PATJ: variants seen among roughly 807,000 people sequenced by gnomAD.
PATJ encodes inaD-like protein.
In PATJ, 190 loss-of-function variants were observed where a neutral mutation model predicts 224.9. That is an observed-to-expected ratio of 0.84 (90% CI 0.75 to 0.95). PATJ has a LOEUF of 0.95. Ranked by LOEUF, PATJ falls within the 40% of genes least tolerant of loss-of-function variation. PATJ has a pLI of 0.00. For synonymous variants in PATJ, 769 were observed against 820.3 expected (o/e 0.94, Z 1.07); for missense variants, 2,121 against 2,270.3 (o/e 0.93, Z 1.34).
chr1:62,089,125 A>G (rs1479653603), intron 33 of PATJ, among the ~76,000 whole-genome samples: 1 of 152,146 alleles, frequency 6.6e-6, no homozygotes, highest in Non-Finnish European at 1.5e-5. Context: ...AATCGGAAGA[A>G]TTTCATCAGC....
chr1:61,875,270 C>T lies in PATJ; in HGVS notation c.2863C>T (p.Leu955=). 6.2e-7 allele frequency: 1 copy of T among 1,603,958 alleles called. No homozygotes were observed. The highest frequency in any genetic ancestry group is 8.5e-7 in the Non-Finnish European group (1 of 1,173,182). The change falls in exon 21 of 44, where the codon CTA becomes TTA. Residue 955 remains leucine, a synonymous_variant. Transcript: ENST00000642238. The part of the protein sequence containing the change: ...VMKENFVMES[L]PSVPSTEGNS... Reference sequence around the variant, plus strand: ...GAAAGAAAATTTTGTCATGGAGTCCCTACCATCTGTACCATCAACTGAAGG... The same window carrying T: ...GAAAGAAAATTTTGTCATGGAGTCCTTACCATCTGTACCATCAACTGAAGG...
At chr1:61,841,612 T>TA (rs1553176507) in intron 17 of PATJ, among the ~76,000 whole-genome samples, 1 of 151,198 alleles carries the variant, frequency 6.6e-6, no homozygotes, top group African/African-American at 2.4e-5. Flanking sequence ...TTTTTTTTTT[T>TA]GGGAGCTCTT....
At position 61,943,041 on chromosome 1, in the gene PATJ, A is replaced by G. The variant is rs1010830895; in HGVS notation, c.3670+15212A>G. The stretch of plus-strand genomic sequence containing the variant: ...TCCATCAACTGGTGACAGGATATAC[A>G]TAGTGTATATCCATACAGTGGAATA... On this transcript the variant is annotated intron_variant, in intron 27 of 43. Coordinates refer to ENST00000642238, the MANE Select transcript of PATJ (RefSeq NM_001350145.3). Among the ~76,000 whole-genome samples, 12 of 152,222 alleles carry G rather than the reference A, an allele frequency of 7.9e-5. No individual in the cohort carries two copies. In the South Asian group the frequency reaches 1.0e-3, roughly 13 times the overall value.
At chr1:61,759,455 G>C (rs1006576569) in intron 1 of PATJ, among the ~76,000 whole-genome samples, 15 of 149,814 alleles carry the variant, frequency 1.0e-4, no homozygotes, top group African/African-American at 3.4e-4. Flanking sequence ...TGTCACCCAG[G>C]CTGGAGTGCA....
At chr1:62,072,723 A>G (rs1366129792) in intron 31 of PATJ, 1 of 150,398 alleles carries the variant, frequency 6.6e-6, no homozygotes, top group Non-Finnish European at 1.5e-5. Context: ...CAGCAGCAAC[A>G]TAAAAAGACC....
intron 29 of PATJ, among the ~76,000 whole-genome samples, chr1:62,022,241 C>G (rs1320144029): frequency 6.6e-6 from 1 of 152,130 alleles, no homozygotes. Context: ...TATTCATATA[C>G]TAATTTATCT....
At position 61,902,156 on chromosome 1, in the gene PATJ, G is replaced by T. The variant is rs116291677; in HGVS notation, c.3381+697G>T. Among the ~76,000 whole-genome samples the T allele has an allele frequency of 4.8e-3, 731 of 152,012 alleles. 10 individuals are homozygous for T. The highest frequency in any genetic ancestry group is 0.017 in the African/African-American group (707 of 41,444). ...GAATCGCTGGAACCCTGGAGGTGGG[G>T]GTCTCAGTGAGCCAAGATCGGACTT... On this transcript the variant is annotated intron_variant, in intron 24 of 43. Transcript: ENST00000642238.
At position 61,787,908 on chromosome 1, in the gene PATJ, C is replaced by A. The variant is rs1332526483; in HGVS notation, c.1004C>A (p.Thr335Asn). Residue 335 changes from threonine (T) to asparagine (N), a missense_variant, in exon 8 of 44, where the codon ACC (threonine) becomes AAC (asparagine). By Grantham distance (65) the Thr-to-Asn change is moderately conservative. Coordinates refer to ENST00000642238, the MANE Select transcript of PATJ (RefSeq NM_001350145.3). ...GATCCAGCTGGTGACATTTCAGTCA[C>A]CCCCCCTGCCCCTGCAGCCTTACCT... ...ARDPAGDISVTPPAPAALPVA... is the reference protein window; with the variant it reads ...ARDPAGDISVNPPAPAALPVA... 1.9e-6 allele frequency: 3 copies of A among 1,611,870 alleles called. No individual in the cohort carries two copies. Among genetic ancestry groups the A allele is most frequent in the Admixed American group, 1.7e-5 (1 of 59,974 alleles).
At chr1:61,762,237 G>C (rs879489861) in intron 1 of PATJ, among the ~76,000 whole-genome samples, 1 of 152,116 alleles carries the variant, frequency 6.6e-6, no homozygotes, top group African/African-American at 2.4e-5. Flanking sequence ...GATTAGTTTT[G>C]TCAGTACTTG....
At chr1:61,959,434 CTTTTCTTT>C (rs1407263880) in intron 27 of PATJ, among the ~76,000 whole-genome samples, 1 of 115,976 alleles carries the variant, frequency 8.6e-6, no homozygotes, top group Non-Finnish European at 1.8e-5. Context: ...TATTTTTTTT[CTTTTCTTT>C]TTTTTTTTTT....
intron 21 of PATJ, among the ~76,000 whole-genome samples, chr1:61,880,487 C>CA (rs1168506370): frequency 2.0e-5 from 3 of 152,186 alleles, no homozygotes; most frequent in East Asian, 3.9e-4. Flanking sequence ...TGATGGGAAA[C>CA]AAAACAAAAT....
intron 6 of PATJ, 139 bp from the exon 7 acceptor site, chr1:61,775,067 C>A: frequency 1.2e-6 from 1 of 809,454 alleles, no homozygotes; most frequent in Non-Finnish European, 1.9e-6. Context: ...TATATCTTAG[C>A]CTGTAGAACA....
rs377070386 is a variant in PATJ, at chr1:61,805,440, A to T, written c.1550-8A>T. On this transcript the variant is annotated splice_region_variant and splice_polypyrimidine_tract_variant and intron_variant, in intron 12 of 43. Coordinates refer to ENST00000642238, the MANE Select transcript of PATJ (RefSeq NM_001350145.3). ...CTCTCGCTCTCTCTCTTTTTTTTTA[A>T]TATCCAGAAAAAGTCCCAGACTCTC... 82 of 1,567,896 alleles carry T rather than the reference A, an allele frequency of 5.2e-5. No individual in the cohort carries two copies. Among genetic ancestry groups the T allele is most frequent in the Non-Finnish European group, 7.0e-5 (80 of 1,141,830 alleles).
chr1:61,862,498 A>AT (rs968972011), intron 19 of PATJ, among the ~76,000 whole-genome samples: 2 of 152,040 alleles, frequency 1.3e-5, no homozygotes. Flanking sequence ...CGCCCAGCCT[A>AT]TTTTTTTAAA....
intron 33 of PATJ, among the ~76,000 whole-genome samples, chr1:62,087,769 C>T (rs1303179355): frequency 6.6e-6 from 1 of 151,710 alleles, no homozygotes; most frequent in African/African-American, 2.4e-5. Context: ...CTCTGGAGTT[C>T]ATGAAAATTT....
intron 27 of PATJ, among the ~76,000 whole-genome samples, chr1:61,973,167 C>T (rs1246416647): frequency 6.6e-6 from 1 of 151,748 alleles, no homozygotes; most frequent in African/African-American, 2.4e-5. Context: ...TATGCTGTAC[C>T]CACTCTGGGC....
chr1:61,967,886 T>C (rs1345624049), intron 27 of PATJ, among the ~76,000 whole-genome samples: 1 of 152,240 alleles, frequency 6.6e-6, no homozygotes, highest in Non-Finnish European at 1.5e-5. Context: ...AATTGTTCAC[T>C]GATTTGCAAG....
chr1:61,957,327 A>C (rs1053701792), intron 27 of PATJ, among the ~76,000 whole-genome samples: 2 of 152,220 alleles, frequency 1.3e-5, no homozygotes, highest in Non-Finnish European at 2.9e-5. Flanking sequence ...ATGATATTAT[A>C]TAAAGAAAGG....
intron 22 of PATJ, among the ~76,000 whole-genome samples, chr1:61,896,202 CAGG>C (rs1241060591): frequency 6.6e-6 from 1 of 151,308 alleles, no homozygotes; most frequent in Non-Finnish European, 1.5e-5. Context: ...GAGGCCAAGT[CAGG>C]AGAATCACTT....
Sources: allele counts gnomAD v4.1 joint callset (sites outside exome capture counted in the v4.1 genomes callset), GRCh38; gene constraint gnomAD v4.1.1; transcripts MANE v1.5; gene names NCBI Gene and HGNC (gene_info 2026-07-23, HGNC 2026-07-21).